WIPF2: variants seen among roughly 807,000 people sequenced by gnomAD.
WIPF2 encodes the protein WAS/WASL interacting protein family member 2.
Under a neutral mutation model 38.8 loss-of-function variants are expected in WIPF2, and 23 were observed. The ratio of observed to expected loss-of-function variants is 0.59; its 90% CI spans 0.43 to 0.84. The LOEUF is 0.84. Among genes scored for constraint, WIPF2 ranks in the 40% least tolerant of loss-of-function variants. The probability of loss-of-function intolerance (pLI) is 0.00; values close to 1 mark genes in which losing one functional copy is unlikely to be tolerated. For synonymous variants in WIPF2, 210 were observed against 223.2 expected, an observed-to-expected ratio of 0.94 and a Z score of 0.53; for missense variants, 574 against 580.5, an observed-to-expected ratio of 0.99 and a Z score of 0.11.
chr17:40,272,519 A>G (rs904757059), intron 5 of WIPF2, among the ~76,000 whole-genome samples: 3 of 152,200 alleles, frequency 2.0e-5, no homozygotes, highest in Non-Finnish European at 4.4e-5. Flanking sequence ...ATATATTTTG[A>G]AAATCGCTCA....
chr17:40,220,578 T>C, intron 1 of WIPF2: 1 of 19,566 alleles, frequency 5.1e-5, no homozygotes, highest in East Asian at 2.3e-3. Flanking sequence ...TGTGTGTATA[T>C]ATATATATAT....
At chr17:40,252,549 A>G (rs2031592157) in intron 1 of WIPF2, among the ~76,000 whole-genome samples, 1 of 151,766 alleles carries the variant, frequency 6.6e-6, no homozygotes, top group African/African-American at 2.4e-5. Context: ...CTGTAGTCCC[A>G]GCTGTTTGGG....
intron 1 of WIPF2, among the ~76,000 whole-genome samples, chr17:40,233,822 G>T (rs1277875138): frequency 6.6e-6 from 1 of 151,962 alleles, no homozygotes; most frequent in South Asian, 2.1e-4. Context: ...TGAACACTTT[G>T]GGAAGCCGAG....
intron 4 of WIPF2, among the ~76,000 whole-genome samples, chr17:40,263,293 C>G (rs964604002): frequency 1.3e-5 from 2 of 152,106 alleles, no homozygotes; most frequent in Non-Finnish European, 2.9e-5. Context: ...GGCATGCAAC[C>G]TAGATCCCTC....
intron 1 of WIPF2, among the ~76,000 whole-genome samples, chr17:40,247,518 C>CT (rs1193614788): frequency 4.2e-3 from 564 of 135,126 alleles, no homozygotes; most frequent in East Asian, 6.7e-3. Flanking sequence ...CGCGCCTGGC[C>CT]TTTTTTTTTT....
chr17:40,220,680 CT>C (rs2030192581), intron 1 of WIPF2: 1 of 143,130 alleles, frequency 7.0e-6, no homozygotes, highest in Non-Finnish European at 1.5e-5. Flanking sequence ...GTTGTCCAGG[CT>C]AGTCTGGAAT....
Position 40,221,009 on chromosome 17 carries a change from C to T in WIPF2, c.-70+1517C>T, listed in dbSNP as rs574496749. On this transcript the variant is annotated intron_variant, in intron 1 of 7. Coordinates refer to ENST00000323571, the MANE Select transcript of WIPF2 (RefSeq NM_133264.5). ...TAGCCAGGATGGATGGTCTGGATCT[C>T]CTGACCTCGTGATCCGCCCGCCTCT... 6.8e-4 allele frequency among the ~76,000 whole-genome samples: 103 copies of T among 151,956 alleles called. 2 individuals are homozygous for T. The highest frequency in any genetic ancestry group is 2.4e-3 in the African/African-American group (98 of 41,446).
At position 40,262,542 on chromosome 17, in the gene WIPF2, G is replaced by A; in HGVS notation, c.214G>A (p.Gly72Ser). ...CTTTCCAGAGCCGAAAGGAAGCAGT[G>A]GTGGCTATGGCTCTGGAGGAGCTGC... The part of the protein sequence containing the change: ...PILEKPKGSS[G>S]GYGSGGAALQ... Residue 72 changes from glycine to serine, a missense_variant, in exon 4 of 8, where the codon GGT (glycine) becomes AGT (serine). Transcript: ENST00000323571. 6.2e-7 allele frequency: 1 copy of A among 1,613,982 alleles called. No individual in the cohort carries two copies. The highest frequency in any genetic ancestry group is 1.1e-5 in the South Asian group (1 of 91,046).
At chr17:40,258,568 A>T (rs1367160309) in intron 2 of WIPF2, among the ~76,000 whole-genome samples, 17 of 151,858 alleles carry the variant, frequency 1.1e-4, no homozygotes, top group Admixed American at 1.1e-3. Flanking sequence ...TCCAGCCTGG[A>T]TGACAGAGCG....
In WIPF2 at chr17:40,219,421, G is replaced by C. The variant is rs1439319067; in HGVS notation, c.-141G>C. The C allele has an allele frequency of 3.1e-5, 12 of 388,788 alleles. No individual in the cohort carries two copies. Among genetic ancestry groups the C allele is most frequent in the East Asian group, 1.2e-4 (2 of 16,630 alleles). The allele number at this position is 388,788 out of a possible 1,614,324, so 24.1% of individuals were successfully genotyped here. A position where few individuals can be genotyped will look rare whatever the true frequency, so the allele number is the denominator to read the frequency against. Reference sequence around the variant, plus strand: ...GGCGACGGCGAGAAAGAGCTTGCCGGGGGGCGAGCAGGACAGGACGAAGCC... The same window carrying C: ...GGCGACGGCGAGAAAGAGCTTGCCGCGGGGCGAGCAGGACAGGACGAAGCC... On this transcript the variant is annotated 5_prime_UTR_variant, in exon 1 of 8. Transcript: ENST00000323571.
chr17:40,249,287 G>C (rs2031477149), intron 1 of WIPF2, among the ~76,000 whole-genome samples: 1 of 152,098 alleles, frequency 6.6e-6, no homozygotes, highest in Non-Finnish European at 1.5e-5. Flanking sequence ...AGAAAAGCAA[G>C]AACTAAACTG....
intron 5 of WIPF2, among the ~76,000 whole-genome samples, chr17:40,266,539 A>G (rs1472657372): frequency 6.6e-6 from 1 of 152,172 alleles, no homozygotes; most frequent in Non-Finnish European, 1.5e-5. Flanking sequence ...GAGTGGGTTC[A>G]AGAATGCAGG....
intron 1 of WIPF2, among the ~76,000 whole-genome samples, chr17:40,246,731 A>G (rs969206882): frequency 8.5e-5 from 13 of 152,174 alleles, no homozygotes; most frequent in African/African-American, 2.9e-4. Flanking sequence ...CTTTTGTTCA[A>G]TTCAGCAAGT....
Position 40,273,869 on chromosome 17 carries a change from G to A in WIPF2, c.1050G>A (p.Gly350=). The change falls in exon 6 of 8, where the codon GGG becomes GGA. Residue 350 remains glycine, a synonymous_variant. Coordinates refer to ENST00000323571, the MANE Select transcript of WIPF2 (RefSeq NM_133264.5). ...CCCCACCACCATACCGAATGCATGG[G>A]TCAGAACCCCCGAGCCGAGGAAAGC... ...PPPPPPYRMH[G]SEPPSRGKPP... The A allele has an allele frequency of 1.3e-6, 2 of 1,578,052 alleles. No homozygotes were observed. Among genetic ancestry groups the A allele is most frequent in the Non-Finnish European group, 1.7e-6 (2 of 1,155,564 alleles).
intron 1 of WIPF2, among the ~76,000 whole-genome samples, chr17:40,250,165 G>A (rs1161566889): frequency 1.4e-5 from 2 of 147,096 alleles, no homozygotes; most frequent in African/African-American, 5.0e-5. Flanking sequence ...ATACTCTCTG[G>A]TGTTTATTTT....
At chr17:40,252,869 T>G (rs2031602731) in intron 1 of WIPF2, among the ~76,000 whole-genome samples, 1 of 151,536 alleles carries the variant, frequency 6.6e-6, no homozygotes, top group Non-Finnish European at 1.5e-5. Context: ...GTTCAAGCGA[T>G]TCTCCTGCCT....
chr17:40,261,617 C>A (rs572252413), intron 3 of WIPF2, among the ~76,000 whole-genome samples: 1 of 151,362 alleles, frequency 6.6e-6, no homozygotes, highest in African/African-American at 2.4e-5. Flanking sequence ...TTTATTTAAC[C>A]CCCTTATCCC....
chr17:40,260,455 G>A lies in WIPF2; in HGVS notation c.64-80G>A. ...ACCTGCCTTGGCCTCCCAAAGTGTT[G>A]GGATTACAGGCGTGAGCCACCGCAC... On this transcript the variant is annotated intron_variant, in intron 2 of 7. Transcript: ENST00000323571. 4 of 1,542,952 alleles carry A rather than the reference G, an allele frequency of 2.6e-6. No homozygotes were observed. The Admixed American group carries it at 7.3e-5, about 28-fold the overall frequency.
intron 1 of WIPF2, among the ~76,000 whole-genome samples, chr17:40,254,896 A>T (rs1050320768): frequency 6.6e-6 from 1 of 151,896 alleles, no homozygotes; most frequent in African/African-American, 2.4e-5. Context: ...ACGCCCAGCT[A>T]ATTTTTGCAT....
Sources: allele counts gnomAD v4.1 joint callset (sites outside exome capture counted in the v4.1 genomes callset), GRCh38; gene constraint gnomAD v4.1.1; transcripts MANE v1.5; gene names NCBI Gene and HGNC (gene_info 2026-07-23, HGNC 2026-07-21).